The following PKHD1 variants were observed in gnomAD, a reference collection of about 807,000 sequenced individuals.
PKHD1 encodes the protein fibrocystin.
A neutral mutation model predicts 412.0 loss-of-function variants in PKHD1; 291 were observed. The ratio of observed to expected loss-of-function variants is 0.71; its 90% confidence interval spans 0.64 to 0.78. PKHD1 has a LOEUF of 0.78. Ranked by LOEUF, PKHD1 falls within the 30% of genes least tolerant of loss-of-function variation. The pLI is 0.00. For synonymous variants in PKHD1, 1,777 were observed against 1,821.5 expected (o/e 0.98, Z 0.62); for missense variants, 4,825 against 4,950.7 (o/e 0.97, Z 0.76).
At chr6:51,852,719 G>T (rs1325223530) in intron 49 of PKHD1, among the ~76,000 whole-genome samples, 1 of 148,984 alleles carries the variant, frequency 6.7e-6, no homozygotes, top group Non-Finnish European at 1.5e-5. Context: ...CAGAGACTAG[G>T]ATTGCAAACC....
intron 35 of PKHD1, among the ~76,000 whole-genome samples, chr6:52,000,406 G>GA (rs35054156): frequency 2.0e-5 from 3 of 151,266 alleles, no homozygotes; most frequent in Admixed American, 1.3e-4. Flanking sequence ...GAAAGGCTCA[G>GA]AAAAAAAATG....
At chr6:51,622,423 C>T (rs1581714047) in intron 66 of PKHD1, 1 of 152,060 alleles carries the variant, frequency 6.6e-6, no homozygotes, top group South Asian at 2.1e-4. Context: ...GACTTTTGAG[C>T]CTAAACAGGA....
At chr6:51,717,267 C>A (rs4376344) in intron 60 of PKHD1, among the ~76,000 whole-genome samples, 1 of 152,104 alleles carries the variant, frequency 6.6e-6, no homozygotes, top group Admixed American at 6.5e-5. Flanking sequence ...CAAAAATTAG[C>A]TGGGCATGGT....
intron 52 of PKHD1, among the ~76,000 whole-genome samples, chr6:51,826,536 C>A (rs1204343133): frequency 1.3e-5 from 2 of 152,186 alleles, no homozygotes; most frequent in African/African-American, 2.4e-5. Context: ...ATTTGACCAG[C>A]TATTCTTTAT....
chr6:51,892,533 A>G (rs1402696569), intron 43 of PKHD1, among the ~76,000 whole-genome samples: 1 of 152,328 alleles, frequency 6.6e-6, no homozygotes, highest in African/African-American at 2.4e-5. Context: ...GGAATTACCC[A>G]GCCCAAAATG....
chr6:51,775,352 C>G (rs1264538868), intron 54 of PKHD1, among the ~76,000 whole-genome samples: 1 of 151,696 alleles, frequency 6.6e-6, no homozygotes, highest in Non-Finnish European at 1.5e-5. Context: ...AAGGCCAGTC[C>G]CCGTTTCTGT....
At chr6:52,038,849 A>T (rs1385418189) in intron 27 of PKHD1, among the ~76,000 whole-genome samples, 1 of 152,228 alleles carries the variant, frequency 6.6e-6, no homozygotes, top group Admixed American at 6.5e-5. Context: ...TAGATGTGAC[A>T]CCAAAAGCAC....
intron 55 of PKHD1, among the ~76,000 whole-genome samples, chr6:51,757,223 G>T (rs1162948879): frequency 2.0e-5 from 3 of 152,008 alleles, no homozygotes; most frequent in African/African-American, 4.8e-5. Flanking sequence ...CAAATAATAG[G>T]TCACTATAAT....
At chr6:51,790,573 G>A (rs2151256272) in intron 53 of PKHD1, among the ~76,000 whole-genome samples, 1 of 152,312 alleles carries the variant, frequency 6.6e-6, no homozygotes, top group Admixed American at 6.5e-5. Flanking sequence ...TGAGATGCTT[G>A]CCTTCTCCTC....
intron 55 of PKHD1, among the ~76,000 whole-genome samples, chr6:51,762,234 G>C (rs929941755): frequency 1.3e-5 from 2 of 151,978 alleles, no homozygotes; most frequent in Non-Finnish European, 2.9e-5. Context: ...TCCATGTCTC[G>C]TTTAAAATCT....
In PKHD1 at chr6:51,885,969, A is replaced by G. The variant is rs780627658; in HGVS notation, c.7113T>C (p.Tyr2371=). 6.4e-7 allele frequency: 1 copy of G among 1,563,654 alleles called. No homozygotes were observed. The highest frequency in any genetic ancestry group is 1.7e-5 in the Admixed American group (1 of 59,880). The stretch of plus-strand genomic sequence containing the variant: ...GAAATTTAGGGTATACAAAGAGACC[A>G]TACCTAAAAAGTGAAACAGAATGAA... ...TQNIAHSCTR[Y]GLFVYPKFQP... The change falls in exon 45 of 67, where the codon TAT becomes TAC. Residue 2371 remains tyrosine (Y), a synonymous_variant. Coordinates refer to ENST00000371117, the MANE Select transcript of PKHD1 (RefSeq NM_138694.4).
chr6:51,854,110 C>T (rs1353100751), intron 49 of PKHD1, among the ~76,000 whole-genome samples: 2 of 151,904 alleles, frequency 1.3e-5, no homozygotes, highest in East Asian at 3.9e-4. Flanking sequence ...TTTGTGGGGG[C>T]CTTTTTGTTG....
intron 60 of PKHD1, among the ~76,000 whole-genome samples, chr6:51,669,174 C>A (rs1003698030): frequency 6.6e-6 from 1 of 152,002 alleles, no homozygotes; most frequent in African/African-American, 2.4e-5. Flanking sequence ...TCCATCTGGT[C>A]CTGGACTCTT....
At position 52,043,015 on chromosome 6, in the gene PKHD1, C is replaced by T; in HGVS notation, c.2941G>A (p.Val981Ile). Residue 981 changes from valine (V) to isoleucine (I), a missense_variant, in exon 27 of 67, where the codon GTA (valine) becomes ATA (isoleucine). Transcript: ENST00000371117. ...CKVIFSNQTN[V>I]VCQTDLLPVG... is the part of the protein sequence containing the mutation. The stretch of plus-strand genomic sequence containing the variant: ...GGTAGCAAATCTGTCTGACAGACTA[C>T]ATTGGTCTGGTTTGAGAAAATAACT... The T allele has an allele frequency of 1.9e-6, 3 of 1,614,064 alleles. No individual in the cohort carries two copies. Among genetic ancestry groups the T allele is most frequent in the Non-Finnish European group, 2.5e-6 (3 of 1,179,940 alleles).
chr6:51,829,230 T>A (rs1259575849), intron 52 of PKHD1, among the ~76,000 whole-genome samples: 1 of 152,060 alleles, frequency 6.6e-6, no homozygotes, highest in South Asian at 2.1e-4. Context: ...GCCCATCCTA[T>A]GATCTTATGA....
At chr6:51,645,697 A>C (rs1205567936) in intron 63 of PKHD1, among the ~76,000 whole-genome samples, 2 of 152,200 alleles carry the variant, frequency 1.3e-5, no homozygotes, top group Non-Finnish European at 2.9e-5. Flanking sequence ...CCAGCCTGAA[A>C]ACATTATTTT....
intron 52 of PKHD1, among the ~76,000 whole-genome samples, chr6:51,804,350 C>G (rs569496447): frequency 1.3e-4 from 4 of 29,660 alleles, no homozygotes; most frequent in African/African-American, 5.1e-4. Context: ...TAGAGAAATA[C>G]TAATTCATTG....
chr6:51,745,815 G>A (rs1785119921), intron 59 of PKHD1, among the ~76,000 whole-genome samples: 2 of 151,986 alleles, frequency 1.3e-5, no homozygotes, highest in Non-Finnish European at 1.5e-5. Context: ...TATCAGCCCG[G>A]GATAAGACAT....
At chr6:52,072,261 A>G in intron 7 of PKHD1, 72 bp from the exon 8 acceptor site, 1 of 961,986 alleles carries the variant, frequency 1.0e-6, no homozygotes, top group Non-Finnish European at 1.7e-6. Flanking sequence ...CATTCCTCAC[A>G]AAACTCAGAG....
Sources: allele counts gnomAD v4.1 joint callset (sites outside exome capture counted in the v4.1 genomes callset), GRCh38; gene constraint gnomAD v4.1.1; transcripts MANE v1.5; gene names NCBI Gene and HGNC (gene_info 2026-07-23, HGNC 2026-07-21).